Variants in TIAM2 observed in about 807,000 individuals in gnomAD.
The protein encoded by TIAM2 is rho guanine nucleotide exchange factor TIAM2.
TIAM2 carries 80 observed loss-of-function variants against 152.9 expected under a neutral mutation model. That is an observed-to-expected ratio of 0.52 (90% CI 0.44 to 0.63). The LOEUF is 0.63. Ranked by LOEUF, TIAM2 falls within the 30% of genes least tolerant of loss-of-function variation. TIAM2 has a pLI of 0.00. For missense variants in TIAM2, 1,965 were observed against 2,120.1 expected, an observed-to-expected ratio of 0.93 and a Z score of 1.44; for synonymous variants, 804 against 838.0, an observed-to-expected ratio of 0.96 and a Z score of 0.70.
intron 1 of TIAM2, among the ~76,000 whole-genome samples, chr6:155,024,361 A>T (rs1776557587): frequency 6.6e-6 from 1 of 152,256 alleles, no homozygotes; most frequent in Non-Finnish European, 1.5e-5. Flanking sequence ...AAACAACACA[A>T]TTTTTAAAAA....
intron 1 of TIAM2, among the ~76,000 whole-genome samples, chr6:155,070,530 T>C (rs1024936178): frequency 6.6e-6 from 1 of 152,134 alleles, no homozygotes; most frequent in Admixed American, 6.5e-5. Flanking sequence ...ACATTTCTTT[T>C]TGAAGCTGAA....
At chr6:155,199,298 G>T (rs369311540) in intron 14 of TIAM2, among the ~76,000 whole-genome samples, 45 of 152,148 alleles carry the variant, frequency 3.0e-4, no homozygotes, top group African/African-American at 9.9e-4. Context: ...GGCTGGTCTC[G>T]AACTCCTGAC....
At chr6:155,122,791 G>A (rs917302627) in intron 2 of TIAM2, among the ~76,000 whole-genome samples, 6 of 151,680 alleles carry the variant, frequency 4.0e-5, no homozygotes, top group Admixed American at 1.3e-4. Flanking sequence ...GGGTTGCTGC[G>A]GGTGACTGTA....
intron 5 of TIAM2, among the ~76,000 whole-genome samples, chr6:155,139,324 C>T (rs1282322214): frequency 1.3e-5 from 2 of 152,182 alleles, no homozygotes; most frequent in African/African-American, 4.8e-5. Flanking sequence ...ATTTCATATC[C>T]AAGTGATACC....
rs148998717 is a variant in TIAM2 at position 155,123,104 on chromosome 6, A to G, written c.-117-4386A>G. 3.2e-3 allele frequency among the ~76,000 whole-genome samples: 488 copies of G among 152,232 alleles called. 1 individual carries two copies. Among genetic ancestry groups the G allele is most frequent in the African/African-American group, 0.011 (461 of 41,538 alleles). ...AATTCCTCAGGGACAATAATTACTT[A>G]GCTTCCCTCAGGGAGTATCCTTCCT... is the stretch of plus-strand genomic sequence containing the variant. On this transcript the variant is annotated intron_variant, in intron 2 of 26. Transcript: ENST00000682666.
intron 1 of TIAM2, among the ~76,000 whole-genome samples, chr6:155,047,956 T>C (rs902950977): frequency 1.1e-4 from 16 of 152,130 alleles, no homozygotes; most frequent in Admixed American, 1.0e-3. Flanking sequence ...TATTTTATTT[T>C]ATTTATTTGT....
intron 1 of TIAM2, among the ~76,000 whole-genome samples, chr6:155,035,647 C>T (rs1022933553): frequency 6.6e-6 from 1 of 152,122 alleles, no homozygotes; most frequent in African/African-American, 2.4e-5. Context: ...GTAACTTAGC[C>T]TCTTTTTTTC....
intron 1 of TIAM2, among the ~76,000 whole-genome samples, chr6:155,028,061 CTATA>C (rs529566468): frequency 8.5e-6 from 1 of 117,538 alleles, no homozygotes; most frequent in Admixed American, 9.8e-5. Context: ...TACATATATA[CTATA>C]TATAATATAT....
At position 155,174,217 on chromosome 6, in the gene TIAM2, G is replaced by A. The variant is rs755217451; in HGVS notation, c.2362-2599G>A. On this transcript the variant is annotated intron_variant, in intron 9 of 26. Transcript: ENST00000682666. The surrounding 1 kb of genome is among the most constrained non-coding windows in gnomAD (Gnocchi z 4.2). ...CCGGAGTACCATAGGCACTAGTTGT[G>A]TAAACTTGGGCAAGTTTCTAGAATT... Among the ~76,000 whole-genome samples, 7 of 152,176 alleles carry A rather than the reference G, an allele frequency of 4.6e-5. No homozygotes were observed. Among genetic ancestry groups the A allele is most frequent in the Non-Finnish European group, 1.0e-4 (7 of 68,032 alleles).
At chr6:155,020,888 C>T (rs1478531539) in intron 1 of TIAM2, among the ~76,000 whole-genome samples, 2 of 152,178 alleles carry the variant, frequency 1.3e-5, no homozygotes, top group Admixed American at 1.3e-4. Flanking sequence ...AAACAATACC[C>T]CCCATTTCTT....
chr6:155,164,133 G>GTGTTTT (rs1554236331), intron 7 of TIAM2, among the ~76,000 whole-genome samples: 17 of 118,006 alleles, frequency 1.4e-4, no homozygotes, highest in Admixed American at 1.2e-4. Flanking sequence ...TAATTTTTGT[G>GTGTTTT]TTTTTTTTTT....
chr6:155,197,799 G>A (rs1280689054), intron 14 of TIAM2, among the ~76,000 whole-genome samples: 1 of 152,118 alleles, frequency 6.6e-6, no homozygotes. Flanking sequence ...CAGCATGGAA[G>A]TAACCATGCC....
intron 1 of TIAM2, among the ~76,000 whole-genome samples, chr6:155,029,513 C>CTATATAGTATATATACTATAG (rs1776769495): frequency 2.3e-4 from 5 of 22,082 alleles, no homozygotes; most frequent in Middle Eastern, 0.062. Flanking sequence ...ATAATATATA[C>CTATATAGTATATATACTATAG]TATATATTAT....
chr6:155,021,462 A>T (rs970224135), intron 1 of TIAM2, among the ~76,000 whole-genome samples: 14 of 151,972 alleles, frequency 9.2e-5, no homozygotes, highest in African/African-American at 2.7e-4. Flanking sequence ...GGGTTTCGCC[A>T]TGTTGGTCAG....
At chr6:155,206,286 C>T (rs754736651) in intron 14 of TIAM2, among the ~76,000 whole-genome samples, 6 of 152,164 alleles carry the variant, frequency 3.9e-5, no homozygotes, top group Non-Finnish European at 5.9e-5. Flanking sequence ...CTCGCTCTGT[C>T]GCCCAGGCTG....
intron 10 of TIAM2, 88 bp downstream of exon 10, chr6:155,177,065 C>T (rs1780777378): frequency 7.4e-7 from 1 of 1,352,572 alleles, no homozygotes; most frequent in Non-Finnish European, 1.0e-6. Context: ...ATGTGATATT[C>T]AAGGGCCCAG....
intron 4 of TIAM2, among the ~76,000 whole-genome samples, chr6:155,133,345 T>TCAA (rs532315835): frequency 1.3e-5 from 2 of 152,110 alleles, no homozygotes; most frequent in Admixed American, 6.5e-5. Flanking sequence ...AGACTCCATC[T>TCAA]CAACAACAAC....
At chr6:155,249,155 GA>G (rs202176568) in intron 20 of TIAM2, among the ~76,000 whole-genome samples, 10 of 151,708 alleles carry the variant, frequency 6.6e-5, no homozygotes, top group East Asian at 5.8e-4. Flanking sequence ...TGAATTGGGA[GA>G]AAAAAAAGTA....
chr6:155,235,617 TG>T (rs2115289601), intron 15 of TIAM2, among the ~76,000 whole-genome samples: 1 of 152,350 alleles, frequency 6.6e-6, no homozygotes, highest in Non-Finnish European at 1.5e-5. Context: ...CTTCTCCTTT[TG>T]GGGGCCCTGC....
Sources: gnomAD v4.1 joint callset for allele counts (sites outside exome capture counted in the v4.1 genomes callset) on GRCh38, gnomAD v4.1.1 for gene constraint, Gnocchi (gnomAD v3.1) non-coding constraint, MANE v1.5 for transcripts, NCBI Gene and HGNC (gene_info 2026-07-23, HGNC 2026-07-21) for gene names.